The following GC variants were observed in gnomAD, a reference collection of about 807,000 sequenced individuals.
The protein encoded by GC is vitamin D-binding protein.
GC carries 43 observed loss-of-function variants against 56.7 expected under a neutral mutation model. That is an observed-to-expected ratio of 0.76 (90% CI 0.59 to 0.98). The LOEUF is 0.98. Among genes scored for constraint, GC ranks in the 50% least tolerant of loss-of-function variants. The pLI, the probability that GC is intolerant of heterozygous loss-of-function variation, is 0.00. For synonymous variants in GC, 216 were observed against 202.7 expected (o/e 1.07, Z -0.56); for missense variants, 529 against 545.9 (o/e 0.97, Z 0.31).
intron 1 of GC, chr4:71,769,640 C>T (rs1440147596): frequency 2.3e-6 from 1 of 429,052 alleles, no homozygotes; most frequent in Non-Finnish European, 4.3e-6. Flanking sequence ...TAAACTAATA[C>T]TGAACGTAAG....
At chr4:71,749,844 A>G (rs1012455962) in intron 11 of GC, among the ~76,000 whole-genome samples, 2 of 152,146 alleles carry the variant, frequency 1.3e-5, no homozygotes, top group African/African-American at 4.8e-5. Context: ...ATTCTACCGT[A>G]CTCTCTTCAT....
chr4:71,755,447 G>C (rs1323367588), intron 8 of GC, among the ~76,000 whole-genome samples: 1 of 152,124 alleles, frequency 6.6e-6, no homozygotes, highest in African/African-American at 2.4e-5. Context: ...AGATGGATGA[G>C]CCACTGTGCC....
In GC at chr4:71,803,899, A is replaced by G. The variant is rs1223554330; in HGVS notation, c.21+27T>C. The G allele has an allele frequency of 4.3e-6, 6 of 1,393,822 alleles. No individual in the cohort carries two copies. In the African/African-American group the frequency reaches 5.7e-5, roughly 13 times the overall value. 86.3% of individuals were successfully genotyped at this position (1,393,822 alleles called of 1,614,324 possible). On this transcript the variant is annotated intron_variant, in intron 1 of 13. Transcript: ENST00000504199. Reference sequence around the variant, plus strand: ...CTCAGAGAGTACCAATGGTAACTTGAAATTATTTGGAATTAGAACGCAGTA... The same window carrying G: ...CTCAGAGAGTACCAATGGTAACTTGGAATTATTTGGAATTAGAACGCAGTA...
chr4:71,764,945 G>A (rs1409588833), intron 4 of GC, among the ~76,000 whole-genome samples: 2 of 152,104 alleles, frequency 1.3e-5, no homozygotes, highest in African/African-American at 2.4e-5. Context: ...TTAAGGTTAC[G>A]TGTTTACTTG....
chr4:71,792,500 T>C (rs1266451270), intron 1 of GC, among the ~76,000 whole-genome samples: 1 of 152,248 alleles, frequency 6.6e-6, no homozygotes, highest in Non-Finnish European at 1.5e-5. Flanking sequence ...CACTTTTTGA[T>C]GGGGCTCTTT....
intron 2 of GC, 40 bp from the exon 3 acceptor site, chr4:71,768,473 AG>A (rs774498299): frequency 1.3e-6 from 2 of 1,565,616 alleles, no homozygotes; most frequent in Middle Eastern, 1.7e-4. Flanking sequence ...TAGAACTGAA[AG>A]GTTTTTTTTT....
intron 12 of GC, 38 bp from the exon 13 acceptor site, chr4:71,741,908 C>A (rs1417038746): frequency 2.8e-6 from 2 of 702,752 alleles, no homozygotes; most frequent in South Asian, 1.5e-5. Context: ...GTTAGAAAAA[C>A]AGAGCTAATG....
chr4:71,761,215 T>C (rs1251306786), intron 6 of GC, among the ~76,000 whole-genome samples: 1 of 152,100 alleles, frequency 6.6e-6, no homozygotes, highest in Non-Finnish European at 1.5e-5. Context: ...AATGAGGAGC[T>C]TTTTGGGAAC....
chr4:71,756,108 GA>G (rs11331312), intron 8 of GC, among the ~76,000 whole-genome samples: 121,000 of 152,006 alleles, frequency 0.8, 51,097 homozygotes, highest in South Asian at 0.97. Context: ...ATAATGCTAA[GA>G]AAAAAATATT....
chr4:71,747,581 T>A (rs1375760946), intron 11 of GC, among the ~76,000 whole-genome samples: 2 of 152,166 alleles, frequency 1.3e-5, no homozygotes, highest in Non-Finnish European at 2.9e-5. Flanking sequence ...TTTATTAGAT[T>A]TAACAAGAAG....
chr4:71,764,222 T>C (rs149669256), intron 4 of GC, among the ~76,000 whole-genome samples: 3,989 of 152,200 alleles, frequency 0.026, 170 homozygotes, highest in African/African-American at 0.091. Flanking sequence ...GCTCAAGTGA[T>C]CCTCCGACCT....
At chr4:71,791,911 C>CGGTGTTT (rs1227562224) in intron 1 of GC, among the ~76,000 whole-genome samples, 1 of 152,052 alleles carries the variant, frequency 6.6e-6, no homozygotes, top group East Asian at 1.9e-4. Flanking sequence ...TGAGAACATG[C>CGGTGTTT]GGTGTTTGCT....
At chr4:71,769,486 G>A (rs1368859143) in intron 1 of GC, 86 bp from the exon 2 acceptor site, 13 of 872,736 alleles carry the variant, frequency 1.5e-5, no homozygotes, top group South Asian at 5.9e-5. Context: ...GATCTTCCAC[G>A]TGGCCTACAA....
intron 12 of GC, among the ~76,000 whole-genome samples, chr4:71,743,621 G>T (rs1741257225): frequency 6.6e-6 from 1 of 152,158 alleles, no homozygotes. Flanking sequence ...GCAATGAGTT[G>T]GTTGTGTTCT....
At chr4:71,746,052 A>G in intron 12 of GC, 99 bp downstream of exon 12, 1 of 665,152 alleles carries the variant, frequency 1.5e-6, no homozygotes. Context: ...TTGAACAGAT[A>G]AGAATAAATT....
chr4:71,762,774 C>T (rs7693759), intron 6 of GC, among the ~76,000 whole-genome samples: 3,990 of 152,198 alleles, frequency 0.026, 172 homozygotes, highest in African/African-American at 0.091. Flanking sequence ...TGCTGCCATC[C>T]ACGTAAGATG....
intron 1 of GC, among the ~76,000 whole-genome samples, chr4:71,797,162 C>A (rs1245582839): frequency 6.6e-6 from 1 of 152,234 alleles, no homozygotes; most frequent in African/African-American, 2.4e-5. Context: ...CTTGAGGAGG[C>A]AGTCTGTCCA....
chr4:71,766,604 A>G (rs1742166672), intron 3 of GC, among the ~76,000 whole-genome samples: 2 of 152,190 alleles, frequency 1.3e-5, no homozygotes, highest in South Asian at 4.1e-4. Context: ...CATCTTTTTA[A>G]GGTAAAATTT....
At chr4:71,749,641 TA>T (rs1234487929) in intron 11 of GC, among the ~76,000 whole-genome samples, 1 of 152,202 alleles carries the variant, frequency 6.6e-6, no homozygotes, top group East Asian at 1.9e-4. Flanking sequence ...TTTAGATTAC[TA>T]AAAGCAACTT....
Sources: allele counts gnomAD v4.1 joint callset (sites outside exome capture counted in the v4.1 genomes callset), GRCh38; gene constraint gnomAD v4.1.1; transcripts MANE v1.5; gene names NCBI Gene and HGNC (gene_info 2026-07-23, HGNC 2026-07-21).